SLC44A5: variants seen among roughly 807,000 people sequenced by gnomAD.
SLC44A5 encodes the protein solute carrier family 44 member 5.
Under a neutral mutation model 101.8 loss-of-function variants are expected in SLC44A5, and 57 were observed. The ratio of observed to expected loss-of-function variants is 0.56; its 90% CI spans 0.45 to 0.70. SLC44A5 has a LOEUF of 0.70. Among genes scored for constraint, SLC44A5 ranks in the 30% least tolerant of loss-of-function variants. The probability of loss-of-function intolerance (pLI) is 0.00; values close to 1 mark genes in which losing one functional copy is unlikely to be tolerated. For synonymous variants in SLC44A5, 281 were observed against 290.9 expected (o/e 0.97, Z 0.35); for missense variants, 737 against 853.1 (o/e 0.86, Z 1.70).
the SLC44A5 span, among the ~76,000 whole-genome samples, chr1:75,651,968 C>T: frequency 6.6e-6 from 1 of 152,006 alleles, no homozygotes; most frequent in African/African-American, 2.4e-5. Context: ...GATAGAAAAC[C>T]CTGAAACAAG....
At chr1:75,571,564 AC>A (rs1673074699) in intron 1 of SLC44A5, among the ~76,000 whole-genome samples, 1 of 152,222 alleles carries the variant, frequency 6.6e-6, no homozygotes, top group African/African-American at 2.4e-5. Flanking sequence ...TCAAAAAAAA[AC>A]ATGAGATATT....
chr1:75,505,403 C>T (rs148823905), intron 2 of SLC44A5, among the ~76,000 whole-genome samples: 18 of 152,100 alleles, frequency 1.2e-4, no homozygotes, highest in East Asian at 3.9e-4. Context: ...ATTGTAGTTC[C>T]GTTTTAAGTT....
Position 75,339,591 on chromosome 1 carries a change from A to G in SLC44A5, c.92T>C (p.Val31Ala). The part of the protein sequence containing the change: ...RTYDPDFKGP[V>A]ANRSCTDVLC... The stretch of plus-strand genomic sequence containing the variant: ...AAAAATAATTGCTTACCTGTTGGCA[A>G]CAGGCCCCTTGAAATCTGGGTCATA... Residue 31 changes from valine to alanine, a missense_variant, in exon 4 of 24, where the codon GTT becomes GCT. Val to Ala is a moderately conservative substitution (Grantham distance 64, BLOSUM62 0). Transcript: ENST00000370859. 6.2e-7 allele frequency: 1 copy of G among 1,609,300 alleles called. No individual in the cohort carries two copies. The highest frequency in any genetic ancestry group is 8.5e-7 in the Non-Finnish European group (1 of 1,177,544).
chr1:75,456,012 C>A (rs891109852), intron 2 of SLC44A5, among the ~76,000 whole-genome samples: 2 of 152,060 alleles, frequency 1.3e-5, no homozygotes, highest in African/African-American at 2.4e-5. Context: ...TACCTGAGTA[C>A]TTATCCAAAA....
At chr1:75,472,734 G>A (rs1667178321) in intron 2 of SLC44A5, among the ~76,000 whole-genome samples, 1 of 152,124 alleles carries the variant, frequency 6.6e-6, no homozygotes, top group South Asian at 2.1e-4. Flanking sequence ...TATGATTAAA[G>A]CACAAATGTG....
At chr1:75,362,887 T>C (rs1304916942) in intron 3 of SLC44A5, among the ~76,000 whole-genome samples, 1 of 152,110 alleles carries the variant, frequency 6.6e-6, no homozygotes, top group African/African-American at 2.4e-5. Context: ...TTTGATGTTC[T>C]ATCTAGATGA....
chr1:75,705,471 G>C, the SLC44A5 span, among the ~76,000 whole-genome samples: 3 of 152,160 alleles, frequency 2.0e-5, no homozygotes, highest in Admixed American at 2.0e-4. Flanking sequence ...CTTTCCTCTT[G>C]ATACAATTTT....
chr1:75,476,364 G>T (rs181544683), intron 2 of SLC44A5, among the ~76,000 whole-genome samples: 1 of 152,116 alleles, frequency 6.6e-6, no homozygotes, highest in Non-Finnish European at 1.5e-5. Context: ...CTGAGGTACC[G>T]GGTTCATCTC....
chr1:75,312,230 C>T (rs937533981), intron 4 of SLC44A5, among the ~76,000 whole-genome samples: 8 of 152,168 alleles, frequency 5.3e-5, no homozygotes, highest in African/African-American at 1.9e-4. Flanking sequence ...GCCTCCCCAG[C>T]TATGTGGAAC....
chr1:75,242,837 G>GAA, intron 8 of SLC44A5, 49 bp downstream of exon 8: 2 of 1,512,832 alleles, frequency 1.3e-6, no homozygotes, highest in South Asian at 2.6e-5. Flanking sequence ...ACTTGAGATT[G>GAA]AAAAAAAAAG....
chr1:75,298,153 TA>T (rs897169179), intron 5 of SLC44A5, among the ~76,000 whole-genome samples: 7 of 152,194 alleles, frequency 4.6e-5, no homozygotes, highest in Admixed American at 2.6e-4. Context: ...TCTTTCATGG[TA>T]AAAAATCCTT....
chr1:75,600,766 T>C (rs1276958295), intron 1 of SLC44A5, among the ~76,000 whole-genome samples: 1 of 152,156 alleles, frequency 6.6e-6, no homozygotes, highest in African/African-American at 2.4e-5. Flanking sequence ...TCTGTGCAGA[T>C]ATATAGCCTA....
chr1:75,264,773 T>C (rs190593400), intron 6 of SLC44A5, among the ~76,000 whole-genome samples: 47 of 149,288 alleles, frequency 3.1e-4, no homozygotes, highest in African/African-American at 9.1e-4. Flanking sequence ...AGTAAATAAA[T>C]AAAAATGAGA....
chr1:75,617,047 A>T, the SLC44A5 span, among the ~76,000 whole-genome samples: 1 of 152,146 alleles, frequency 6.6e-6, no homozygotes, highest in Non-Finnish European at 1.5e-5. Context: ...GGCGTCCCAG[A>T]ACTGCAAGGG....
chr1:75,449,525 G>C (rs557933142), intron 2 of SLC44A5, among the ~76,000 whole-genome samples: 2 of 152,166 alleles, frequency 1.3e-5, no homozygotes, highest in African/African-American at 4.8e-5. Context: ...TGGACTTTGC[G>C]GGAATCTTCC....
chr1:75,466,452 T>C (rs4949862), intron 2 of SLC44A5, among the ~76,000 whole-genome samples: 14,927 of 151,834 alleles, frequency 0.098, 906 homozygotes, highest in Admixed American at 0.19. Context: ...GTCAGGAGTT[T>C]GAGACCAGCC....
intron 2 of SLC44A5, among the ~76,000 whole-genome samples, chr1:75,483,195 G>A (rs1329010458): frequency 1.3e-5 from 2 of 152,192 alleles, no homozygotes; most frequent in Non-Finnish European, 2.9e-5. Context: ...GAGGGAAACA[G>A]AAGTGCTACC....
At chr1:75,401,528 G>T (rs1251757847) in intron 2 of SLC44A5, among the ~76,000 whole-genome samples, 1 of 152,110 alleles carries the variant, frequency 6.6e-6, no homozygotes, top group Non-Finnish European at 1.5e-5. Context: ...GGCAAGCATG[G>T]CCAGAGATCC....
At chr1:75,507,389 G>A (rs1669321041) in intron 2 of SLC44A5, among the ~76,000 whole-genome samples, 2 of 152,100 alleles carry the variant, frequency 1.3e-5, no homozygotes, top group African/African-American at 4.8e-5. Context: ...TGCATCCCAG[G>A]AATGAAGCCT....
Sources: gnomAD v4.1 joint callset for allele counts (sites outside exome capture counted in the v4.1 genomes callset) on GRCh38, gnomAD v4.1.1 for gene constraint, MANE v1.5 for transcripts, NCBI Gene and HGNC (gene_info 2026-07-23, HGNC 2026-07-21) for gene names.